The following TMEFF2 variants were observed in gnomAD, a reference collection of about 807,000 sequenced individuals.
TMEFF2 encodes transmembrane protein with EGF like and two follistatin like domains 2.
TMEFF2 carries 28 observed loss-of-function variants against 53.8 expected under a neutral mutation model. The observed-to-expected ratio is 0.52, with a 90% confidence interval of 0.39 to 0.71. The LOEUF (loss-of-function observed/expected upper bound fraction) is 0.71. Ranked by LOEUF, TMEFF2 falls within the 30% of genes least tolerant of loss-of-function variation. The pLI, the probability that TMEFF2 is intolerant of heterozygous loss-of-function variation, is 0.00. For synonymous variants in TMEFF2, 162 were observed against 166.3 expected (o/e 0.97, Z 0.20); for missense variants, 353 against 455.2 (o/e 0.78, Z 2.04).
At chr2:191,959,799 T>G (rs1341040141) in intron 7 of TMEFF2, among the ~76,000 whole-genome samples, 1 of 152,212 alleles carries the variant, frequency 6.6e-6, no homozygotes, top group Non-Finnish European at 1.5e-5. Context: ...AATGTTTTCC[T>G]TTGGACAAAG....
chr2:192,128,594 C>A (rs77705552), intron 4 of TMEFF2, among the ~76,000 whole-genome samples: 1,979 of 152,240 alleles, frequency 0.013, 39 homozygotes, highest in African/African-American at 0.046. Context: ...TATTTTAATT[C>A]TTGTGCAACT....
At chr2:191,951,136 CGTGTGTATATGTGGGTTTATGT>C (rs1691864666) in intron 9 of TMEFF2, among the ~76,000 whole-genome samples, 2 of 151,260 alleles carry the variant, frequency 1.3e-5, no homozygotes, top group South Asian at 4.2e-4. Flanking sequence ...ATATATATCA[CGTGTGTATATGTGGGTTTATGT>C]GTATGTATGT....
intron 7 of TMEFF2, among the ~76,000 whole-genome samples, chr2:191,958,156 C>T (rs913198043): frequency 2.0e-5 from 3 of 152,162 alleles, no homozygotes; most frequent in African/African-American, 7.2e-5. Context: ...CACACTATAG[C>T]GATCAAACCA....
intron 5 of TMEFF2, among the ~76,000 whole-genome samples, chr2:192,040,192 C>A (rs1364440244): frequency 2.0e-5 from 3 of 152,016 alleles, no homozygotes; most frequent in Non-Finnish European, 4.4e-5. Context: ...AGAGTTATTT[C>A]TTTTCTTTCT....
chr2:192,031,105 G>A (rs1687122868), intron 5 of TMEFF2, among the ~76,000 whole-genome samples: 1 of 152,080 alleles, frequency 6.6e-6, no homozygotes, highest in Non-Finnish European at 1.5e-5. Context: ...TGCTGCCTTA[G>A]GAAAGCCTTC....
At chr2:191,976,060 A>T (rs1251117713) in intron 7 of TMEFF2, among the ~76,000 whole-genome samples, 2 of 152,228 alleles carry the variant, frequency 1.3e-5, no homozygotes, top group Admixed American at 6.5e-5. Flanking sequence ...TTGATATGTT[A>T]TCTAAGTCAA....
intron 4 of TMEFF2, among the ~76,000 whole-genome samples, chr2:192,153,765 T>C (rs1690443496): frequency 6.6e-6 from 1 of 151,848 alleles, no homozygotes. Flanking sequence ...TGACGTACAT[T>C]GTAATGCTCA....
rs35550976 is a variant in TMEFF2, at chr2:192,046,911, G to GT, written c.536+10767dup. 8.0e-3 allele frequency among the ~76,000 whole-genome samples: 1,175 copies of GT among 146,288 alleles called. 8 individuals are homozygous for GT. The highest frequency in any genetic ancestry group is 0.014 in the Admixed American group (207 of 14,804). ...ATTTATGCAGATACCTGTGTTACCT[G>GT]TTTTTTTTTTTTTAATTTTTATTTT... On this transcript the variant is annotated intron_variant, in intron 5 of 9. Coordinates refer to ENST00000272771, the MANE Select transcript of TMEFF2 (RefSeq NM_016192.4).
At chr2:192,185,096 A>C (rs1691278811) in intron 2 of TMEFF2, among the ~76,000 whole-genome samples, 1 of 152,050 alleles carries the variant, frequency 6.6e-6, no homozygotes, top group Admixed American at 6.6e-5. Flanking sequence ...AAACTATGGA[A>C]CTCAGAGAAA....
chr2:192,044,804 T>C (rs1377836261), intron 5 of TMEFF2, among the ~76,000 whole-genome samples: 1 of 152,176 alleles, frequency 6.6e-6, no homozygotes, highest in Non-Finnish European at 1.5e-5. Context: ...CTTAGTTTGC[T>C]ACTGGGCCTT....
intron 4 of TMEFF2, among the ~76,000 whole-genome samples, chr2:192,079,646 AATG>A (rs1302149578): frequency 3.3e-5 from 5 of 152,236 alleles, no homozygotes; most frequent in African/African-American, 9.6e-5. Context: ...TAAAGATTAA[AATG>A]ATTTTTCCTT....
chr2:192,126,452 GTATGA>G (rs1315415172), intron 4 of TMEFF2, among the ~76,000 whole-genome samples: 7 of 152,092 alleles, frequency 4.6e-5, no homozygotes, highest in African/African-American at 1.7e-4. Flanking sequence ...TAAAGATATT[GTATGA>G]TATATGTCAG....
chr2:192,101,102 A>G (rs1192940179), intron 4 of TMEFF2, among the ~76,000 whole-genome samples: 1 of 152,134 alleles, frequency 6.6e-6, no homozygotes, highest in Non-Finnish European at 1.5e-5. Flanking sequence ...ATTATAGTTC[A>G]TGGGATGTTA....
chr2:191,968,664 G>C (rs10172248), intron 7 of TMEFF2, among the ~76,000 whole-genome samples: 7,196 of 152,126 alleles, frequency 0.047, 558 homozygotes, highest in African/African-American at 0.16. Flanking sequence ...AAATTATATT[G>C]GTTTCTTTAC....
intron 4 of TMEFF2, among the ~76,000 whole-genome samples, chr2:192,164,935 A>G (rs1030322575): frequency 6.6e-6 from 1 of 151,838 alleles, no homozygotes; most frequent in Admixed American, 6.6e-5. Flanking sequence ...AATATATAAA[A>G]GTTATTAATA....
intron 7 of TMEFF2, among the ~76,000 whole-genome samples, chr2:191,960,804 C>A (rs1203957753): frequency 6.6e-5 from 10 of 152,164 alleles, no homozygotes; most frequent in African/African-American, 2.4e-4. Context: ...ACAACTAGAG[C>A]TGTTCAGTAG....
intron 4 of TMEFF2, among the ~76,000 whole-genome samples, chr2:192,107,651 T>C (rs1689180053): frequency 6.6e-6 from 1 of 151,686 alleles, no homozygotes; most frequent in African/African-American, 2.4e-5. Context: ...ACTTGGAAAA[T>C]GTATATGCAT....
At chr2:192,103,481 A>G (rs1263745567) in intron 4 of TMEFF2, among the ~76,000 whole-genome samples, 1 of 152,084 alleles carries the variant, frequency 6.6e-6, no homozygotes, top group East Asian at 1.9e-4. Flanking sequence ...CTTCCATTTC[A>G]GATGTACAGT....
intron 7 of TMEFF2, among the ~76,000 whole-genome samples, chr2:191,995,090 A>G (rs2105830710): frequency 6.6e-6 from 1 of 152,120 alleles, no homozygotes; most frequent in African/African-American, 2.4e-5. Flanking sequence ...TATACTGCAC[A>G]TATTAGTTTT....
Sources: gnomAD v4.1 joint callset for allele counts (sites outside exome capture counted in the v4.1 genomes callset) on GRCh38, gnomAD v4.1.1 for gene constraint, MANE v1.5 for transcripts, NCBI Gene and HGNC (gene_info 2026-07-23, HGNC 2026-07-21) for gene names.